ANKH: variants seen among roughly 807,000 people sequenced by gnomAD.
ANKH encodes ANKH inorganic pyrophosphate transport regulator.
In ANKH, 15 loss-of-function variants were observed where a neutral mutation model predicts 49.0. The ratio of observed to expected loss-of-function variants is 0.31; its 90% CI spans 0.20 to 0.47. ANKH has a LOEUF of 0.47. Among genes scored for constraint, ANKH ranks in the 20% least tolerant of loss-of-function variants. The probability of loss-of-function intolerance (pLI) is 1.00; values close to 1 mark genes in which losing one functional copy is unlikely to be tolerated. For synonymous variants in ANKH, 273 were observed against 260.0 expected (o/e 1.05, Z -0.48); for missense variants, 429 against 652.0 (o/e 0.66, Z 3.72).
chr5:14,866,669 A>T (rs1735654623), intron 1 of ANKH, among the ~76,000 whole-genome samples: 1 of 152,210 alleles, frequency 6.6e-6, no homozygotes, highest in African/African-American at 2.4e-5. Context: ...ACAAAGACCA[A>T]GTGACTTCTA....
chr5:14,848,125 C>G (rs986006616), intron 1 of ANKH, among the ~76,000 whole-genome samples: 1 of 152,082 alleles, frequency 6.6e-6, no homozygotes, highest in African/African-American at 2.4e-5. Flanking sequence ...GGCGATGGAC[C>G]GAGATTCTGT....
At position 14,713,748 on chromosome 5, in the gene ANKH, T is replaced by C. The variant is rs1737332456; in HGVS notation, c.1142-81A>G. The C allele has an allele frequency of 6.2e-7, 1 of 1,601,082 alleles. No homozygotes were observed. Among genetic ancestry groups the C allele is most frequent in the South Asian group, 1.1e-5 (1 of 90,754 alleles). ...GCTGCCTCTGGACCAGGGCAGCACA[T>C]CCGAGAGCCAGGGGCTGCCTAGGAC... On this transcript the variant is annotated intron_variant, in intron 9 of 11. Coordinates refer to ENST00000284268, the MANE Select transcript of ANKH (RefSeq NM_054027.6). The surrounding 1 kb of genome is among the most constrained non-coding windows in gnomAD (Gnocchi z 4.4).
intron 1 of ANKH, among the ~76,000 whole-genome samples, chr5:14,860,815 C>T (rs1417921199): frequency 3.3e-5 from 5 of 152,036 alleles, no homozygotes; most frequent in Non-Finnish European, 1.5e-5. Flanking sequence ...GGCTGGAGTG[C>T]TGCGATGCCC....
At chr5:14,813,933 T>G (rs1347975202) in intron 1 of ANKH, among the ~76,000 whole-genome samples, 1 of 152,176 alleles carries the variant, frequency 6.6e-6, no homozygotes, top group Non-Finnish European at 1.5e-5. Flanking sequence ...TGGCTTCCCC[T>G]GACAACTTGC....
intron 1 of ANKH, among the ~76,000 whole-genome samples, chr5:14,778,160 G>C (rs1284828916): frequency 6.6e-6 from 1 of 152,146 alleles, no homozygotes; most frequent in African/African-American, 2.4e-5. Flanking sequence ...CCCGGCCTGG[G>C]GTCATCCTGA....
Position 14,745,994 on chromosome 5 carries a change from G to C in ANKH, c.823-32C>G. On this transcript the variant is annotated intron_variant, in intron 6 of 11. Transcript: ENST00000284268. This position sits in a 1 kb window ranked among gnomAD's most constrained non-coding sequence, Gnocchi z 4.7. ...CAGGAAGAGGTGGCAGAGTTAGCAGGGTACCAGCAGGAAGTCCTCCAGGAG... is the reference window on the plus strand; with the variant it reads ...CAGGAAGAGGTGGCAGAGTTAGCAGCGTACCAGCAGGAAGTCCTCCAGGAG... 3 of 1,585,068 alleles carry C rather than the reference G, an allele frequency of 1.9e-6. No individual in the cohort carries two copies. Among genetic ancestry groups the C allele is most frequent in the Non-Finnish European group, 2.6e-6 (3 of 1,154,550 alleles).
intron 8 of ANKH, among the ~76,000 whole-genome samples, chr5:14,721,325 G>A (rs1156974968): frequency 6.6e-6 from 1 of 152,198 alleles, no homozygotes; most frequent in African/African-American, 2.4e-5. Context: ...TCATGGCCAT[G>A]TGCCAACAGA....
At position 14,752,777 on chromosome 5, in the gene ANKH, G is replaced by A. The variant is rs1170913690; in HGVS notation, c.517-1538C>T. Reference sequence around the variant, plus strand: ...AAAGATCAGGAAAGCTGCCTGCTGCGTTTAATGGCAGGAAAGTCATTAGTA... The same window carrying A: ...AAAGATCAGGAAAGCTGCCTGCTGCATTTAATGGCAGGAAAGTCATTAGTA... On this transcript the variant is annotated intron_variant, in intron 4 of 11. Coordinates refer to ENST00000284268, the MANE Select transcript of ANKH (RefSeq NM_054027.6). 2.0e-5 allele frequency among the ~76,000 whole-genome samples: 3 copies of A among 152,142 alleles called. No homozygotes were observed. In the South Asian group the frequency reaches 6.2e-4, roughly 32 times the overall value.
intron 9 of ANKH, among the ~76,000 whole-genome samples, chr5:14,714,094 C>T (rs1268939846): frequency 6.6e-6 from 1 of 152,264 alleles, no homozygotes; most frequent in Non-Finnish European, 1.5e-5. Flanking sequence ...TCTTCCCTGC[C>T]TGCGGTCAGA....
intron 1 of ANKH, among the ~76,000 whole-genome samples, chr5:14,788,489 G>GA (rs1740050470): frequency 6.6e-6 from 1 of 152,220 alleles, no homozygotes; most frequent in Non-Finnish European, 1.5e-5. Flanking sequence ...CATTGTTCAT[G>GA]AAAGAGCATG....
chr5:14,845,537 G>T (rs1741934247), intron 1 of ANKH, among the ~76,000 whole-genome samples: 1 of 152,110 alleles, frequency 6.6e-6, no homozygotes, highest in African/African-American at 2.4e-5. Flanking sequence ...AGGGACTTCT[G>T]AGTCCCCTGC....
At chr5:14,800,128 T>C (rs183881776) in intron 1 of ANKH, among the ~76,000 whole-genome samples, 71 of 152,270 alleles carry the variant, frequency 4.7e-4, no homozygotes, top group Admixed American at 1.5e-3. Context: ...GTGGTAGAAA[T>C]AGCAAGAGAA....
chr5:14,749,490 T>C (rs1334551442), intron 5 of ANKH, among the ~76,000 whole-genome samples, 184 bp from the exon 6 acceptor site: 2 of 152,214 alleles, frequency 1.3e-5, no homozygotes, highest in African/African-American at 4.8e-5. Context: ...TCAGTCCTAA[T>C]AGAAATTAAC....
chr5:14,793,047 TAAATATATATA>T (rs1363853612), intron 1 of ANKH, among the ~76,000 whole-genome samples: 36 of 64,728 alleles, frequency 5.6e-4, no homozygotes, highest in Non-Finnish European at 3.3e-4. Context: ...AATATATATA[TAAATATATATA>T]AAATATATAT....
intron 1 of ANKH, among the ~76,000 whole-genome samples, chr5:14,855,745 C>T (rs1254344415): frequency 6.7e-6 from 1 of 150,278 alleles, no homozygotes; most frequent in Non-Finnish European, 1.5e-5. Context: ...TTTCAAAAAG[C>T]ATACGTTACT....
rs1286604261 is a variant in ANKH at position 14,716,720 on chromosome 5, A to G, written c.1127T>C (p.Phe376Ser). The G allele has an allele frequency of 5.0e-6, 8 of 1,614,136 alleles. No individual in the cohort carries two copies. The highest frequency in any genetic ancestry group is 1.6e-4 in the Middle Eastern group (1 of 6,062). ...TTTTTCTTTACCTGGAACTGGGAAG[A>G]AGGAGAAGATCCGCAAAGGAACAAC... is the stretch of plus-strand genomic sequence containing the variant. ...LCVVPLRIFS[F>S]FPVPVTVRAH... is the part of the protein sequence containing the mutation. The change falls in exon 9 of 12, where the codon TTC (phenylalanine) becomes TCC (serine). Residue 376 changes from phenylalanine to serine, a missense_variant. By Grantham distance (155) the Phe-to-Ser change is radical. Transcript: ENST00000284268.
At chr5:14,792,831 G>A (rs1446645044) in intron 1 of ANKH, among the ~76,000 whole-genome samples, 1 of 150,442 alleles carries the variant, frequency 6.6e-6, no homozygotes, top group African/African-American at 2.5e-5. Context: ...AAAAAAATTA[G>A]CCAGATGTGG....
intron 1 of ANKH, chr5:14,797,528 T>C (rs956533471): frequency 3.7e-6 from 6 of 1,611,110 alleles, no homozygotes; most frequent in Admixed American, 1.7e-5. Context: ...CAGCTGATCC[T>C]GTGGCAAGAA....
chr5:14,729,408 G>A (rs1737923996), intron 8 of ANKH, among the ~76,000 whole-genome samples: 1 of 150,542 alleles, frequency 6.6e-6, no homozygotes, highest in African/African-American at 2.4e-5. Flanking sequence ...GGTTGGTCTC[G>A]AACTCCTGAC....
Sources: gnomAD v4.1 joint callset for allele counts (sites outside exome capture counted in the v4.1 genomes callset) on GRCh38, gnomAD v4.1.1 for gene constraint, Gnocchi (gnomAD v3.1) non-coding constraint, MANE v1.5 for transcripts, NCBI Gene and HGNC (gene_info 2026-07-23, HGNC 2026-07-21) for gene names.